CLEC16A: variants seen among roughly 807,000 people sequenced by gnomAD.
CLEC16A encodes C-type lectin domain containing 16A, also known as protein CLEC16A.
CLEC16A carries 51 observed loss-of-function variants against 109.5 expected under a neutral mutation model. The ratio of observed to expected loss-of-function variants is 0.47; its 90% CI spans 0.37 to 0.59. The LOEUF (loss-of-function observed/expected upper bound fraction) is 0.59. CLEC16A is among the 20% of genes least tolerant of loss of function. The probability of loss-of-function intolerance (pLI) is 0.00; values close to 1 mark genes in which losing one functional copy is unlikely to be tolerated. For missense variants in CLEC16A, 1,339 were observed against 1,394.0 expected, an observed-to-expected ratio of 0.96 and a Z score of 0.63; for synonymous variants, 673 against 564.2, an observed-to-expected ratio of 1.19 and a Z score of -2.73.
At chr16:11,060,715 C>T (rs1377921973) in intron 18 of CLEC16A, among the ~76,000 whole-genome samples, 187 bp from the exon 19 acceptor site, 1 of 142,326 alleles carries the variant, frequency 7.0e-6, no homozygotes, top group East Asian at 2.0e-4. Flanking sequence ...GCTACTCCCC[C>T]TTTGATTTTT....
intron 22 of CLEC16A, among the ~76,000 whole-genome samples, chr16:11,139,467 C>G (rs961771612): frequency 6.6e-6 from 1 of 152,194 alleles, no homozygotes; most frequent in Non-Finnish European, 1.5e-5. Context: ...TTTAACATCT[C>G]AAATTCCCAA....
At chr16:10,963,545 C>T (rs2042356239) in intron 3 of CLEC16A, among the ~76,000 whole-genome samples, 1 of 152,226 alleles carries the variant, frequency 6.6e-6, no homozygotes, top group African/African-American at 2.4e-5. Context: ...AGGAAGATCT[C>T]TGCCAGAGGG....
At position 11,047,312 on chromosome 16, in the gene CLEC16A, C is replaced by T. The variant is rs74619823; in HGVS notation, c.1836C>T (p.Asp612=). 881 of 1,610,302 alleles carry T rather than the reference C, an allele frequency of 5.5e-4. 3 individuals carry two copies. In the African/African-American group the frequency reaches 0.01, roughly 19 times the overall value. ...HFYKGEDIFL[D]MFEDEYRSMT... ...TTTAGGGAGAAGACATTTTTTTGGA[C>T]ATGTTTGAAGATGAGTATAGGAGCA... is the stretch of plus-strand genomic sequence containing the variant. Residue 612 remains aspartate (D), a synonymous_variant, in exon 17 of 24, where the codon GAC becomes GAT. Coordinates refer to ENST00000409790, the MANE Select transcript of CLEC16A (RefSeq NM_015226.3).
intron 22 of CLEC16A, among the ~76,000 whole-genome samples, chr16:11,127,344 G>A (rs751972038): frequency 2.8e-4 from 43 of 152,126 alleles, no homozygotes; most frequent in Admixed American, 1.1e-3. Context: ...TTGCTGTTTC[G>A]TATTTGGGTC....
rs188882632 is a variant in CLEC16A, at chr16:10,954,213, G to A, written c.81-3569G>A. ...TTTCTTCCTGGCCACAGGTCTGTGG[G>A]CGAGCTACTGAACGTCGCCAAACCT... On this transcript the variant is annotated intron_variant, in intron 1 of 23. Coordinates refer to ENST00000409790, the MANE Select transcript of CLEC16A (RefSeq NM_015226.3). The surrounding 1 kb of genome is among the most constrained non-coding windows in gnomAD (Gnocchi z 4.2). 4.7e-4 allele frequency among the ~76,000 whole-genome samples: 71 copies of A among 152,296 alleles called. No homozygotes were observed. The highest frequency in any genetic ancestry group is 1.4e-3 in the African/African-American group (60 of 41,556).
intron 18 of CLEC16A, among the ~76,000 whole-genome samples, chr16:11,060,244 G>A (rs1346119379): frequency 1.3e-5 from 2 of 152,136 alleles, no homozygotes; most frequent in Admixed American, 1.3e-4. Flanking sequence ...CAAGGTCACT[G>A]CCCACCTGCT....
At chr16:11,028,092 C>G (rs1402573443) in intron 13 of CLEC16A, among the ~76,000 whole-genome samples, 2 of 152,208 alleles carry the variant, frequency 1.3e-5, no homozygotes, top group Non-Finnish European at 2.9e-5. Flanking sequence ...CCCAGCTACT[C>G]AGGAGGCTGA....
intron 22 of CLEC16A, among the ~76,000 whole-genome samples, chr16:11,153,208 C>T (rs1169295069): frequency 1.3e-5 from 2 of 152,132 alleles, no homozygotes; most frequent in Non-Finnish European, 2.9e-5. Flanking sequence ...AAAACGGAGC[C>T]TTCCTTCCCC....
At chr16:11,067,027 G>T (rs2048798290) in intron 19 of CLEC16A, among the ~76,000 whole-genome samples, 1 of 152,042 alleles carries the variant, frequency 6.6e-6, no homozygotes, top group South Asian at 2.1e-4. Context: ...TAAAAGAAAA[G>T]ACATTGTTAA....
At chr16:10,985,044 AC>A (rs950845811) in intron 10 of CLEC16A, among the ~76,000 whole-genome samples, 1 of 151,900 alleles carries the variant, frequency 6.6e-6, no homozygotes, top group African/African-American at 2.4e-5. Context: ...TACTAAAAAT[AC>A]AAAAAAAATT....
chr16:11,062,307 G>T (rs1320296215), intron 19 of CLEC16A, among the ~76,000 whole-genome samples: 7 of 152,062 alleles, frequency 4.6e-5, no homozygotes, highest in Non-Finnish European at 1.0e-4. Context: ...GCTTTATTAA[G>T]ATATAATTTA....
At chr16:11,117,881 C>T (rs752159113) in intron 19 of CLEC16A, among the ~76,000 whole-genome samples, 1 of 152,184 alleles carries the variant, frequency 6.6e-6, no homozygotes, top group Non-Finnish European at 1.5e-5. Flanking sequence ...AGCGGTAGAC[C>T]ATAGATCTAA....
intron 11 of CLEC16A, among the ~76,000 whole-genome samples, chr16:11,017,008 G>A (rs564617679): frequency 5.0e-5 from 6 of 120,486 alleles, no homozygotes; most frequent in African/African-American, 1.5e-4. Context: ...GGCGGGGGGG[G>A]GGGTGCTCCT....
chr16:11,147,711 A>G (rs1213304554), intron 22 of CLEC16A, among the ~76,000 whole-genome samples: 1 of 152,242 alleles, frequency 6.6e-6, no homozygotes, highest in Non-Finnish European at 1.5e-5. Context: ...CTGTTGTATT[A>G]AAAAATACAG....
chr16:11,068,656 C>T (rs1213157590), intron 19 of CLEC16A, among the ~76,000 whole-genome samples: 1 of 152,212 alleles, frequency 6.6e-6, no homozygotes, highest in African/African-American at 2.4e-5. Flanking sequence ...CAGGCTCATC[C>T]CTGACTCCCC....
At chr16:11,068,988 T>G (rs1456745727) in intron 19 of CLEC16A, among the ~76,000 whole-genome samples, 1 of 108,622 alleles carries the variant, frequency 9.2e-6, no homozygotes, top group Non-Finnish European at 1.9e-5. Flanking sequence ...CTAATTTTCT[T>G]TTTTTTTTTT....
At chr16:10,971,519 G>A (rs545152174) in intron 5 of CLEC16A, 1 of 982,614 alleles carries the variant, frequency 1.0e-6, no homozygotes, top group African/African-American at 1.7e-5. Flanking sequence ...TAGAATTTGA[G>A]AAAGCAAAGT....
intron 22 of CLEC16A, among the ~76,000 whole-genome samples, chr16:11,133,172 C>T (rs932992358): frequency 6.6e-6 from 1 of 152,112 alleles, no homozygotes; most frequent in African/African-American, 2.4e-5. Context: ...AACCTCGTCT[C>T]TACTAAAAGT....
intron 19 of CLEC16A, among the ~76,000 whole-genome samples, chr16:11,071,897 A>G (rs1189348438): frequency 6.7e-6 from 1 of 150,338 alleles, no homozygotes; most frequent in Non-Finnish European, 1.5e-5. Flanking sequence ...GGCTAATATT[A>G]TCTTTCTTGA....
Sources: gnomAD v4.1 joint callset for allele counts (sites outside exome capture counted in the v4.1 genomes callset) on GRCh38, gnomAD v4.1.1 for gene constraint, Gnocchi (gnomAD v3.1) non-coding constraint, MANE v1.5 for transcripts, NCBI Gene and HGNC (gene_info 2026-07-23, HGNC 2026-07-21) for gene names.